LITAF: variants seen among roughly 807,000 people sequenced by gnomAD.
The protein encoded by LITAF is lipopolysaccharide induced TNF factor.
Under a neutral mutation model 14.5 loss-of-function variants are expected in LITAF, and 9 were observed. The observed-to-expected ratio is 0.62, with a 90% CI of 0.37 to 1.08. The LOEUF (loss-of-function observed/expected upper bound fraction) is 1.08, where lower values mean the gene tolerates loss of function less well. Ranked by LOEUF, LITAF falls within the 50% of genes least tolerant of loss-of-function variation. The probability of loss-of-function intolerance (pLI) is 0.01; values close to 1 mark genes in which losing one functional copy is unlikely to be tolerated. For synonymous variants in LITAF, 98 were observed against 88.2 expected, an observed-to-expected ratio of 1.11 and a Z score of -0.62; for missense variants, 206 against 213.4, an observed-to-expected ratio of 0.97 and a Z score of 0.22.
chr16:11,557,671 G>C (rs1164540595), intron 1 of LITAF, among the ~76,000 whole-genome samples: 1 of 152,046 alleles, frequency 6.6e-6, no homozygotes, highest in Non-Finnish European at 1.5e-5. Context: ...GGCTGGTCTT[G>C]TACTCCTGGG....
intron 1 of LITAF, among the ~76,000 whole-genome samples, chr16:11,567,023 C>T (rs1052111082): frequency 7.9e-5 from 12 of 152,174 alleles, no homozygotes; most frequent in African/African-American, 2.9e-4. Context: ...GTGAATTGAG[C>T]CTGGAGTCCT....
Position 11,605,378 on chromosome 16 carries a change from G to A in LITAF, c.85+28155C>T, listed in dbSNP as rs2064949934. Among the ~76,000 whole-genome samples the A allele has an allele frequency of 6.6e-6, 1 of 152,154 alleles. No homozygotes were observed. Among genetic ancestry groups the A allele is most frequent in the African/African-American group, 2.4e-5 (1 of 41,432 alleles). ...CAGGATTCCTCCCAGGCGGGATCCT[G>A]TGCACCTCCCGGAGGACTGGGAAGA... On this transcript the variant is annotated intron_variant, in intron 3 of 3. Coordinates refer to the LITAF transcript ENST00000574848. This position sits in a 1 kb window ranked among gnomAD's most constrained non-coding sequence, Gnocchi z 4.7.
chr16:11,600,553 C>T (rs180708545), upstream of LITAF, among the ~76,000 whole-genome samples: 24 of 152,308 alleles, frequency 1.6e-4, no homozygotes, highest in East Asian at 2.1e-3. The surrounding 1 kb of genome is among the most constrained non-coding windows in gnomAD (Gnocchi z 4.1). Flanking sequence ...CTTGTCTTCC[C>T]GTTTGGCATG....
At chr16:11,622,973 AT>A (rs202169515) in intron 3 of LITAF, among the ~76,000 whole-genome samples, 3 of 115,036 alleles carry the variant, frequency 2.6e-5, no homozygotes, top group Admixed American at 8.6e-5. Flanking sequence ...TATATATATA[AT>A]TTTTTTTTTG....
In LITAF at chr16:11,549,065, T is replaced by A. The variant is rs908954279; in HGVS notation, c.*572A>T. ...CCCCTCCTTGTATTTAAAAAAAAAA[T>A]TAAGAAATTAAAGTGAATCTGTGTG... On this transcript the variant is annotated 3_prime_UTR_variant, in exon 4 of 4. Transcript: ENST00000622633. The surrounding 1 kb of genome is among the most constrained non-coding windows in gnomAD (Gnocchi z 4.6). The A allele has an allele frequency of 8.9e-6, 4 of 449,350 alleles. No individual in the cohort carries two copies. The highest frequency in any genetic ancestry group is 1.4e-4 in the East Asian group (2 of 14,254). 27.8% of individuals were successfully genotyped at this position (449,350 alleles called of 1,614,324 possible). A position where few individuals can be genotyped will look rare whatever the true frequency, so the allele number is the denominator to read the frequency against.
intron 3 of LITAF, among the ~76,000 whole-genome samples, chr16:11,613,692 C>G (rs756097974): frequency 6.6e-6 from 1 of 152,190 alleles, no homozygotes; most frequent in African/African-American, 2.4e-5. Flanking sequence ...GGAAAGGTGT[C>G]CTTACAGGGA....
chr16:11,617,764 C>A (rs1201279368), intron 3 of LITAF, among the ~76,000 whole-genome samples: 1 of 151,950 alleles, frequency 6.6e-6, no homozygotes, highest in Non-Finnish European at 1.5e-5. Context: ...TATAACTGAG[C>A]CAAGGGACAA....
At position 11,553,840 on chromosome 16, in the gene LITAF, T is replaced by TA; in HGVS notation, c.221-152_221-151insT. 4 of 853,156 alleles carry TA rather than the reference T, an allele frequency of 4.7e-6. No homozygotes were observed. Among genetic ancestry groups the TA allele is most frequent in the Non-Finnish European group, 7.4e-6 (4 of 539,518 alleles). 52.8% of individuals were successfully genotyped at this position (853,156 alleles called of 1,614,324 possible). On this transcript the variant is annotated intron_variant, in intron 2 of 3. Coordinates refer to ENST00000622633, the MANE Select transcript of LITAF (RefSeq NM_001136472.2). This position sits in a 1 kb window ranked among gnomAD's most constrained non-coding sequence, Gnocchi z 7.7. Reference sequence around the variant, plus strand: ...CATGCGTTCATCGTCTGGCTATCTATGAGAGCCAAAAGGGGAAGGAACACC... The same window carrying TA: ...CATGCGTTCATCGTCTGGCTATCTATAGAGAGCCAAAAGGGGAAGGAACACC...
chr16:11,626,493 A>C (rs1292867902), intron 3 of LITAF, among the ~76,000 whole-genome samples: 1 of 152,216 alleles, frequency 6.6e-6, no homozygotes, highest in African/African-American at 2.4e-5. Context: ...ACAGGCAGGC[A>C]TCACCATGCC....
At chr16:11,608,853 C>G (rs1456705891) in intron 3 of LITAF, among the ~76,000 whole-genome samples, 2 of 152,120 alleles carry the variant, frequency 1.3e-5, no homozygotes, top group Non-Finnish European at 2.9e-5. Context: ...GTCTCAGCTA[C>G]TCGGGAGGCC....
chr16:11,639,761 G>T (rs900406762), upstream of LITAF, among the ~76,000 whole-genome samples: 2 of 152,114 alleles, frequency 1.3e-5, no homozygotes, highest in Admixed American at 6.5e-5. Context: ...TTGGGAGGCC[G>T]AGGAGGGCGG....
chr16:11,608,048 CT>C (rs1328938275), intron 3 of LITAF, among the ~76,000 whole-genome samples: 1 of 152,200 alleles, frequency 6.6e-6, no homozygotes, highest in Non-Finnish European at 1.5e-5. Context: ...AAACAGCTGG[CT>C]GAAGAAATAA....
chr16:11,580,526 T>C (rs8062453), intron 1 of LITAF, among the ~76,000 whole-genome samples: 1 of 151,856 alleles, frequency 6.6e-6, no homozygotes, highest in East Asian at 1.9e-4. Flanking sequence ...AAAGTGCTGG[T>C]ATTACAGGCG....
At chr16:11,550,535 CAG>C (rs1191541112) in intron 3 of LITAF, among the ~76,000 whole-genome samples, 1 of 152,236 alleles carries the variant, frequency 6.6e-6, no homozygotes, top group South Asian at 2.1e-4. Flanking sequence ...CTCCTACAGA[CAG>C]AGCCCCTTTG....
intron 3 of LITAF, among the ~76,000 whole-genome samples, chr16:11,622,820 T>C (rs1420554095): frequency 1.3e-5 from 2 of 152,074 alleles, no homozygotes; most frequent in African/African-American, 2.4e-5. Flanking sequence ...TGGAGCTACA[T>C]TCACTGAAGG....
intron 3 of LITAF, among the ~76,000 whole-genome samples, chr16:11,625,288 G>C (rs540707236): frequency 6.6e-6 from 1 of 150,432 alleles, no homozygotes; most frequent in African/African-American, 2.5e-5. Flanking sequence ...TTTGAGACAG[G>C]GTCTCGCTCT....
Position 11,605,674 on chromosome 16 carries a change from G to A in LITAF, c.85+27859C>T, listed in dbSNP as rs1482615543. Among the ~76,000 whole-genome samples the A allele has an allele frequency of 1.3e-5, 2 of 152,224 alleles. No homozygotes were observed. Among genetic ancestry groups the A allele is most frequent in the African/African-American group, 2.4e-5 (1 of 41,448 alleles). ...CAGCCGGGCACGGAGGCCAAGGCAG[G>A]AGGATCGCTGGAGGCCAGGAGTTCG... On this transcript the variant is annotated intron_variant, in intron 3 of 3. Transcript: ENST00000574848. The surrounding 1 kb of genome is among the most constrained non-coding windows in gnomAD (Gnocchi z 4.7).
upstream of LITAF, among the ~76,000 whole-genome samples, chr16:11,600,122 C>T (rs1464045775): frequency 6.6e-6 from 1 of 152,104 alleles, no homozygotes; most frequent in African/African-American, 2.4e-5. The surrounding 1 kb of genome is among the most constrained non-coding windows in gnomAD (Gnocchi z 4.1). Context: ...CTCGGCCTCC[C>T]GAGTAGCTGG....
Position 11,571,462 on chromosome 16 carries a change from G to T in LITAF, c.-5-14727C>A, listed in dbSNP as rs553199731. Among the ~76,000 whole-genome samples the T allele has an allele frequency of 7.9e-5, 12 of 152,238 alleles. No homozygotes were observed. In the East Asian group the frequency reaches 2.3e-3, roughly 29 times the overall value. On this transcript the variant is annotated intron_variant, in intron 1 of 3. Transcript: ENST00000622633. ...ACGTTACCTAAGCCACTGAGTTCAG[G>T]GTAATGAGTTAGAAAACTCATCCAT... is the stretch of plus-strand genomic sequence containing the variant.
Sources: allele counts gnomAD v4.1 joint callset (sites outside exome capture counted in the v4.1 genomes callset), GRCh38; gene constraint gnomAD v4.1.1; non-coding constraint Gnocchi (gnomAD v3.1); transcripts MANE v1.5; gene names NCBI Gene and HGNC (gene_info 2026-07-23, HGNC 2026-07-21).